The following GRIN2D variants were observed in gnomAD, a reference collection of about 807,000 sequenced individuals.
GRIN2D encodes the protein glutamate receptor ionotropic, NMDA 2D.
GRIN2D carries 37 observed loss-of-function variants against 103.2 expected under a neutral mutation model. The observed-to-expected ratio is 0.36, with a 90% confidence interval of 0.28 to 0.47. GRIN2D has a LOEUF of 0.47. Ranked by LOEUF, GRIN2D falls within the 20% of genes least tolerant of loss-of-function variation. The pLI is 1.00. For missense variants in GRIN2D, 1,557 were observed against 1,910.6 expected (o/e 0.81, Z 3.45); for synonymous variants, 845 against 885.6 (o/e 0.95, Z 0.81).
chr19:48,407,051 C>T (rs1336963346), intron 4 of GRIN2D, among the ~76,000 whole-genome samples: 3 of 150,216 alleles, frequency 2.0e-5, no homozygotes, highest in South Asian at 2.1e-4. Context: ...GATCTGGGCT[C>T]ACTGCAACCT....
At chr19:48,412,150 C>T (rs1970870642) in intron 4 of GRIN2D, among the ~76,000 whole-genome samples, 1 of 151,590 alleles carries the variant, frequency 6.6e-6, no homozygotes, top group South Asian at 2.1e-4. Context: ...CACGGTGAAA[C>T]CCCGTCTCTA....
In GRIN2D at chr19:48,443,463, C is replaced by T; in HGVS notation, c.3537C>T (p.His1179=). The change falls in exon 14 of 14, where the codon CAC becomes CAT. Residue 1179 remains histidine, a synonymous_variant. Transcript: ENST00000263269. The surrounding 1 kb of genome is among the most constrained non-coding windows in gnomAD (Gnocchi z 8.9). ...CGCGCAGCGGTCCGGCCGCCTGGCA[C>T]TGTCGGCACTGCGCCAGCCTGGAGC... ...LPPRSGPAAW[H]CRHCASLELL... is the part of the protein sequence containing the mutation. 2.2e-6 allele frequency: 3 copies of T among 1,384,584 alleles called. No individual in the cohort carries two copies. Among genetic ancestry groups the T allele is most frequent in the Middle Eastern group, 5.0e-4 (2 of 4,034 alleles). The allele number at this position is 1,384,584 out of a possible 1,614,324, so 85.8% of individuals were successfully genotyped here.
In GRIN2D at chr19:48,443,206, C is replaced by T. The variant is rs1971328306; in HGVS notation, c.3280C>T (p.Pro1094Ser). The T allele has an allele frequency of 2.4e-6, 3 of 1,256,968 alleles. No homozygotes were observed. Among genetic ancestry groups the T allele is most frequent in the Non-Finnish European group, 3.0e-6 (3 of 986,626 alleles). 77.9% of individuals were successfully genotyped at this position (1,256,968 alleles called of 1,614,324 possible). ...GAGGGAPAAP[P>S]PCRAAPPPCP... is the part of the protein sequence containing the mutation. ...AGGCGGAGGAGCCCCGGCCGCTCCG[C>T]CCCCGTGCCGCGCCGCGCCGCCCCC... Residue 1094 changes from proline (P) to serine (S), a missense_variant, in exon 14 of 14, where the codon CCC becomes TCC. Transcript: ENST00000263269. This position sits in a 1 kb window ranked among gnomAD's most constrained non-coding sequence, Gnocchi z 8.9.
chr19:48,395,017 C>A (rs2304244), intron 2 of GRIN2D, 81 bp downstream of exon 2: 38,527 of 152,170 alleles, frequency 0.25, 5,136 homozygotes, highest in African/African-American at 0.34. Context: ...TGGCAAGAAG[C>A]CTCGTGGAGG....
chr19:48,402,765 CGAGAGAGAGAGAGAGA>C lies in GRIN2D; in HGVS notation c.466-1944_466-1929del, dbSNP rs35263933. 1.1e-3 allele frequency among the ~76,000 whole-genome samples: 123 copies of C among 109,002 alleles called. 1 individual carries two copies. The highest frequency in any genetic ancestry group is 5.3e-3 in the Middle Eastern group (1 of 190). 71.5% of individuals were successfully genotyped at this position (109,002 alleles called of 152,430 possible). A position where few individuals can be genotyped will look rare whatever the true frequency, so the allele number is the denominator to read the frequency against. The stretch of plus-strand genomic sequence containing the variant: ...AAAAAAAAGATTCTTTACTCCTTTA[CGAGAGAGAGAGAGAGA>C]GAGAGAGAGAGAGAGAGAGAGAGAA... On this transcript the variant is annotated intron_variant, in intron 3 of 13. Transcript: ENST00000263269.
intron 11 of GRIN2D, 69 bp downstream of exon 11, chr19:48,422,014 A>G (rs1381468562): frequency 7.9e-5 from 118 of 1,494,754 alleles, no homozygotes; most frequent in Middle Eastern, 3.9e-4. Context: ...AAAGATGGCA[A>G]GGGGTCCAGG....
chr19:48,396,556 T>G (rs1339087164), intron 2 of GRIN2D, among the ~76,000 whole-genome samples: 71 of 110,054 alleles, frequency 6.5e-4, no homozygotes, highest in African/African-American at 1.0e-3. Flanking sequence ...TGGGGCGGAG[T>G]GGGGGGGTTA....
At chr19:48,415,947 A>G in intron 7 of GRIN2D, 55 bp from the exon 8 acceptor site, 2 of 1,525,040 alleles carry the variant, frequency 1.3e-6, no homozygotes, top group Admixed American at 3.3e-5. Context: ...CGTCCGTGTC[A>G]GTCTGTCCGC....
Position 48,443,346 on chromosome 19 carries a change from G to A in GRIN2D, c.3420G>A (p.Pro1140=), listed in dbSNP as rs765789746. Residue 1140 remains proline, a synonymous_variant, in exon 14 of 14, where the codon CCG becomes CCA. Transcript: ENST00000263269. This position sits in a 1 kb window ranked among gnomAD's most constrained non-coding sequence, Gnocchi z 8.9. ...EPWWFADFPY[P]YAERLGPPPG... ...GGTGGTTCGCCGACTTCCCTTACCC[G>A]TATGCCGAGCGCCTCGGGCCGCCGC... The A allele has an allele frequency of 3.3e-6, 5 of 1,518,304 alleles. No individual in the cohort carries two copies. The highest frequency in any genetic ancestry group is 4.4e-6 in the Non-Finnish European group (5 of 1,142,176). 94.1% of individuals were successfully genotyped at this position (1,518,304 alleles called of 1,614,324 possible). A position where few individuals can be genotyped will look rare whatever the true frequency, so the allele number is the denominator to read the frequency against.
At chr19:48,411,038 T>C (rs1970852932) in intron 4 of GRIN2D, among the ~76,000 whole-genome samples, 1 of 152,038 alleles carries the variant, frequency 6.6e-6, no homozygotes, top group Non-Finnish European at 1.5e-5. Context: ...AGCTCAGTCT[T>C]TAAGACACAT....
At chr19:48,415,269 G>T (rs1970930939) in intron 7 of GRIN2D, among the ~76,000 whole-genome samples, 2 of 152,214 alleles carry the variant, frequency 1.3e-5, no homozygotes, top group Admixed American at 1.3e-4. Context: ...TACTCGGGAG[G>T]CTGAGGCAGG....
chr19:48,417,958 C>G (rs559255700), intron 8 of GRIN2D, among the ~76,000 whole-genome samples: 1 of 151,528 alleles, frequency 6.6e-6, no homozygotes, highest in South Asian at 2.1e-4. Flanking sequence ...ATGGACAGGG[C>G]AGGGTGTTAA....
rs1375707979 is a variant in GRIN2D, at chr19:48,421,097, G to A, written c.2092-688G>A. 6.6e-6 allele frequency among the ~76,000 whole-genome samples: 1 copy of A among 152,178 alleles called. No individual in the cohort carries two copies. Among genetic ancestry groups the A allele is most frequent in the Non-Finnish European group, 1.5e-5 (1 of 68,036 alleles). ...TAATGGAATGGAGTAGAATAGAATA[G>A]TTGCCTGCATCTTATGTATAAGTTT... On this transcript the variant is annotated intron_variant, in intron 10 of 13. Coordinates refer to ENST00000263269, the MANE Select transcript of GRIN2D (RefSeq NM_000836.4). This position sits in a 1 kb window ranked among gnomAD's most constrained non-coding sequence, Gnocchi z 4.8.
Position 48,414,234 on chromosome 19 carries a change from A to C in GRIN2D, c.1200+129A>C. The C allele has an allele frequency of 1.1e-6, 1 of 892,730 alleles. No homozygotes were observed. Among genetic ancestry groups the C allele is most frequent in the Non-Finnish European group, 1.8e-6 (1 of 563,506 alleles). The allele number at this position is 892,730 out of a possible 1,614,324, so 55.3% of individuals were successfully genotyped here. A position where few individuals can be genotyped will look rare whatever the true frequency, so the allele number is the denominator to read the frequency against. ...GGAGCCTGGACTCCTGGGTCCTGGGATCTGAAGGTGGGAGGGGCTCCTGGG... is the reference window on the plus strand; with the variant it reads ...GGAGCCTGGACTCCTGGGTCCTGGGCTCTGAAGGTGGGAGGGGCTCCTGGG... On this transcript the variant is annotated intron_variant, in intron 5 of 13. Transcript: ENST00000263269. This position sits in a 1 kb window ranked among gnomAD's most constrained non-coding sequence, Gnocchi z 4.6.
chr19:48,410,076 C>T (rs112265373), intron 4 of GRIN2D, among the ~76,000 whole-genome samples: 3,021 of 151,544 alleles, frequency 0.02, 38 homozygotes, highest in Non-Finnish European at 0.029. Context: ...TGAACCACTG[C>T]GCCCAGCCTG....
Position 48,414,963 on chromosome 19 carries a change from C to T in GRIN2D, c.1512C>T (p.Asp504=). ...RLAHTIGFSY[D]LYLVTNGKHG... The stretch of plus-strand genomic sequence containing the variant: ...CGCATACCATCGGCTTCAGCTACGA[C>T]CTCTACCTGGTCACCAATGGCAAGC... The change falls in exon 7 of 14, where the codon GAC becomes GAT. Residue 504 remains aspartate (D), a synonymous_variant. Transcript: ENST00000263269. This position sits in a 1 kb window ranked among gnomAD's most constrained non-coding sequence, Gnocchi z 4.6. 1 of 1,613,684 alleles carries T rather than the reference C, an allele frequency of 6.2e-7. No homozygotes were observed. Among genetic ancestry groups the T allele is most frequent in the Non-Finnish European group, 8.5e-7 (1 of 1,179,784 alleles).
intron 4 of GRIN2D, among the ~76,000 whole-genome samples, chr19:48,407,586 T>C (rs1970807535): frequency 6.6e-6 from 1 of 152,170 alleles, no homozygotes; most frequent in African/African-American, 2.4e-5. Flanking sequence ...AGCTGTGACC[T>C]GAGGGATGAA....
At chr19:48,441,999 G>A (rs1386422416) in intron 12 of GRIN2D, 43 bp downstream of exon 12, 1 of 1,564,116 alleles carries the variant, frequency 6.4e-7, no homozygotes, top group Admixed American at 1.7e-5. Flanking sequence ...GAGGGGGAGG[G>A]CGAGGCCCCT....
At chr19:48,396,438 T>G (rs1480377563) in intron 2 of GRIN2D, among the ~76,000 whole-genome samples, 2 of 144,456 alleles carry the variant, frequency 1.4e-5, no homozygotes, top group South Asian at 2.2e-4. Flanking sequence ...CAGGTAGGGG[T>G]GGGTCTGGGA....
Sources: gnomAD v4.1 joint callset for allele counts (sites outside exome capture counted in the v4.1 genomes callset) on GRCh38, gnomAD v4.1.1 for gene constraint, Gnocchi (gnomAD v3.1) non-coding constraint, MANE v1.5 for transcripts, NCBI Gene and HGNC (gene_info 2026-07-23, HGNC 2026-07-21) for gene names.